The following TMEM117 variants were observed in gnomAD, a reference collection of about 807,000 sequenced individuals.
TMEM117 encodes transmembrane protein 117.
TMEM117 carries 27 observed loss-of-function variants against 52.4 expected under a neutral mutation model. The ratio of observed to expected loss-of-function variants is 0.51; its 90% CI spans 0.38 to 0.71. The LOEUF (loss-of-function observed/expected upper bound fraction) is 0.71, where lower values mean the gene tolerates loss of function less well. TMEM117 is among the 30% of genes least tolerant of loss of function. The pLI is 0.00. For synonymous variants in TMEM117, 215 were observed against 206.3 expected (o/e 1.04, Z -0.36); for missense variants, 556 against 630.5 (o/e 0.88, Z 1.26).
At chr12:43,942,646 T>G (rs1565761404) in intron 2 of TMEM117, among the ~76,000 whole-genome samples, 1 of 152,058 alleles carries the variant, frequency 6.6e-6, no homozygotes. Context: ...TCATCTCAAG[T>G]TTTAGCTAGG....
At chr12:44,041,265 C>A (rs969458849) in intron 3 of TMEM117, among the ~76,000 whole-genome samples, 1 of 123,980 alleles carries the variant, frequency 8.1e-6, no homozygotes, top group African/African-American at 3.1e-5. Context: ...CCACAACAGG[C>A]CCCAGTGTGT....
At chr12:44,136,335 A>G (rs1948489843) in intron 3 of TMEM117, among the ~76,000 whole-genome samples, 1 of 152,146 alleles carries the variant, frequency 6.6e-6, no homozygotes, top group African/African-American at 2.4e-5. Context: ...AACTATTCAG[A>G]GCATCAAATT....
chr12:44,359,714 T>C (rs1951696930), intron 6 of TMEM117, among the ~76,000 whole-genome samples: 1 of 152,024 alleles, frequency 6.6e-6, no homozygotes, highest in African/African-American at 2.4e-5. Flanking sequence ...CAGATTAATA[T>C]GGATATGTAA....
chr12:44,306,147 A>G (rs1323840914), intron 6 of TMEM117, among the ~76,000 whole-genome samples: 1 of 152,122 alleles, frequency 6.6e-6, no homozygotes, highest in Non-Finnish European at 1.5e-5. Context: ...GAAGAGGGGA[A>G]TGGACCGAAA....
chr12:43,835,480 ATGTGTG>A (rs142143920), upstream of TMEM117, among the ~76,000 whole-genome samples: 2 of 150,180 alleles, frequency 1.3e-5, no homozygotes, highest in Admixed American at 1.3e-4. Context: ...ATGTGTGCAT[ATGTGTG>A]TGTGTGTGTG....
At chr12:43,973,172 G>T (rs916121393) in intron 3 of TMEM117, among the ~76,000 whole-genome samples, 1 of 152,092 alleles carries the variant, frequency 6.6e-6, no homozygotes, top group Non-Finnish European at 1.5e-5. Context: ...CTGAAAACAG[G>T]TTTTTTCCCA....
chr12:43,853,864 A>C (rs188322985), intron 2 of TMEM117, among the ~76,000 whole-genome samples: 1 of 152,278 alleles, frequency 6.6e-6, no homozygotes, highest in East Asian at 1.9e-4. Flanking sequence ...CTCAAGCGTG[A>C]GTGGGATTAA....
chr12:43,864,018 T>G (rs1307374236), intron 2 of TMEM117, among the ~76,000 whole-genome samples: 2 of 152,118 alleles, frequency 1.3e-5, no homozygotes, highest in African/African-American at 4.8e-5. Context: ...CCCTGGACAG[T>G]GAGGGGCTTA....
intron 2 of TMEM117, among the ~76,000 whole-genome samples, chr12:43,926,064 AAT>A (rs1944773886): frequency 6.6e-6 from 1 of 152,206 alleles, no homozygotes; most frequent in African/African-American, 2.4e-5. Flanking sequence ...ATGCTAATTA[AAT>A]ATATGTTTAG....
At chr12:43,836,080 C>T (rs1156401580), upstream of TMEM117, 2 of 151,766 alleles carry the variant, frequency 1.3e-5, no homozygotes, top group Non-Finnish European at 2.9e-5. Flanking sequence ...GCAGCAGCGG[C>T]AGCGACGCCG....
At chr12:44,271,263 A>C (rs1950442498) in intron 5 of TMEM117, among the ~76,000 whole-genome samples, 1 of 152,066 alleles carries the variant, frequency 6.6e-6, no homozygotes, top group Non-Finnish European at 1.5e-5. Flanking sequence ...CTACCTAATA[A>C]ATTTTAGCTT....
At chr12:44,193,611 T>C (rs1446184262) in intron 4 of TMEM117, among the ~76,000 whole-genome samples, 1 of 152,188 alleles carries the variant, frequency 6.6e-6, no homozygotes, top group Non-Finnish European at 1.5e-5. Flanking sequence ...AGCAAAAAAC[T>C]ACCTTAAATA....
intron 4 of TMEM117, among the ~76,000 whole-genome samples, chr12:44,159,507 T>TA (rs1185876030): frequency 6.6e-6 from 1 of 152,194 alleles, no homozygotes; most frequent in African/African-American, 2.4e-5. Context: ...TTTGAAAGCT[T>TA]ACCAAATGCC....
chr12:43,805,885 C>T, the TMEM117 span: 1 of 1,455,076 alleles, frequency 6.9e-7, no homozygotes, highest in Admixed American at 1.8e-5. Context: ...CCAGCTCTTC[C>T]CTACGTGACC....
At chr12:44,312,268 C>T (rs994235346) in intron 6 of TMEM117, among the ~76,000 whole-genome samples, 2 of 151,998 alleles carry the variant, frequency 1.3e-5, no homozygotes, top group African/African-American at 2.4e-5. Context: ...CCCTTCCCTT[C>T]CCTCTCTAGT....
At chr12:43,935,754 C>T (rs191912882) in intron 2 of TMEM117, among the ~76,000 whole-genome samples, 2 of 152,278 alleles carry the variant, frequency 1.3e-5, no homozygotes, top group East Asian at 1.9e-4. Flanking sequence ...TGAGAGAGTC[C>T]ATCCCATAAG....
At chr12:44,148,136 A>G (rs1446655431) in intron 4 of TMEM117, among the ~76,000 whole-genome samples, 8 of 152,240 alleles carry the variant, frequency 5.3e-5, no homozygotes, top group Non-Finnish European at 1.0e-4. Context: ...AGGCTTTACC[A>G]TAAAGTGATG....
intron 1 of TMEM117, among the ~76,000 whole-genome samples, chr12:43,836,706 A>G (rs911939771): frequency 2.0e-5 from 3 of 152,090 alleles, no homozygotes; most frequent in African/African-American, 7.2e-5. Context: ...ACTAAATAAA[A>G]CTATTTTTTT....
chr12:44,178,587 C>A (rs535379400), intron 4 of TMEM117, among the ~76,000 whole-genome samples: 7 of 152,244 alleles, frequency 4.6e-5, no homozygotes, highest in Non-Finnish European at 7.4e-5. Context: ...TAAGGTCATT[C>A]TATCAATTTC....
Sources: allele counts gnomAD v4.1 joint callset (sites outside exome capture counted in the v4.1 genomes callset), GRCh38; gene constraint gnomAD v4.1.1; transcripts MANE v1.5; gene names NCBI Gene and HGNC (gene_info 2026-07-23, HGNC 2026-07-21).